Variants in GSE1 observed in about 807,000 individuals in gnomAD.
GSE1 encodes the protein genetic suppressor element 1.
GSE1 carries 32 observed loss-of-function variants against 112.6 expected under a neutral mutation model. The observed-to-expected ratio is 0.28, with a 90% confidence interval of 0.21 to 0.38. GSE1 has a LOEUF of 0.38. Ranked by LOEUF, GSE1 falls within the 10% of genes least tolerant of loss-of-function variation. The pLI is 1.00. For synonymous variants in GSE1, 1,115 were observed against 735.6 expected (o/e 1.52, Z -8.35); for missense variants, 2,348 against 1,699.2 (o/e 1.38, Z -6.71).
chr16:85,225,115 T>C (rs1294631513), intron 1 of GSE1, among the ~76,000 whole-genome samples: 2 of 150,544 alleles, frequency 1.3e-5, no homozygotes, highest in African/African-American at 2.4e-5. Context: ...CAGAGAGAGA[T>C]TCCCTCTTAA....
chr16:85,446,817 C>T (rs966883740), intron 2 of GSE1, among the ~76,000 whole-genome samples: 20 of 152,092 alleles, frequency 1.3e-4, no homozygotes, highest in African/African-American at 2.2e-4. Flanking sequence ...TCTTAGGCTC[C>T]GTTTCCTCAC....
chr16:85,646,946 G>A (rs1054141227), intron 2 of GSE1, among the ~76,000 whole-genome samples: 1 of 152,122 alleles, frequency 6.6e-6, no homozygotes, highest in Non-Finnish European at 1.5e-5. Flanking sequence ...GGGACAGGAG[G>A]ACTCTTGCAG....
intron 1 of GSE1, among the ~76,000 whole-genome samples, chr16:85,603,191 T>A (rs2047540917): frequency 6.6e-6 from 1 of 152,150 alleles, no homozygotes; most frequent in Non-Finnish European, 1.5e-5. Flanking sequence ...GTCTGCAGCT[T>A]TGAGGGAGCT....
At chr16:85,336,545 T>A (rs2046489634) in intron 1 of GSE1, among the ~76,000 whole-genome samples, 1 of 151,826 alleles carries the variant, frequency 6.6e-6, no homozygotes, top group Non-Finnish European at 1.5e-5. Context: ...CACTGAACAG[T>A]CTAACACACA....
intron 2 of GSE1, among the ~76,000 whole-genome samples, chr16:85,519,559 T>TTTTACCACC (rs1567555809): frequency 2.2e-4 from 2 of 9,268 alleles, no homozygotes; most frequent in Non-Finnish European, 2.6e-4. Context: ...CCACCATCAC[T>TTTTACCACC]ATCATCATCA....
intron 3 of GSE1, among the ~76,000 whole-genome samples, chr16:85,653,436 G>T (rs543075385): frequency 6.7e-6 from 1 of 149,550 alleles, no homozygotes; most frequent in Non-Finnish European, 1.5e-5. Context: ...GGGGTGGCAC[G>T]GCCTATCCTT....
chr16:85,255,106 G>A (rs1176023508), intron 1 of GSE1, among the ~76,000 whole-genome samples: 1 of 152,248 alleles, frequency 6.6e-6, no homozygotes, highest in Non-Finnish European at 1.5e-5. Flanking sequence ...GGCGGTCGCT[G>A]TTGCCAGCTT....
chr16:85,324,739 A>G (rs927131726), intron 1 of GSE1, among the ~76,000 whole-genome samples: 2 of 152,150 alleles, frequency 1.3e-5, no homozygotes, highest in Non-Finnish European at 2.9e-5. Flanking sequence ...GACATGTCCA[A>G]TAGGCAAATC....
At chr16:85,267,156 G>C (rs189081265) in intron 1 of GSE1, among the ~76,000 whole-genome samples, 2 of 152,180 alleles carry the variant, frequency 1.3e-5, no homozygotes, top group African/African-American at 4.8e-5. Flanking sequence ...TCGGAGCAGC[G>C]GCGGTGGCTG....
intron 2 of GSE1, among the ~76,000 whole-genome samples, chr16:85,548,959 T>G (rs938372678): frequency 5.3e-5 from 8 of 151,950 alleles, no homozygotes; most frequent in African/African-American, 1.7e-4. Context: ...CCAGCTAATT[T>G]TTATATTTTT....
At position 85,672,254 on chromosome 16, in the gene GSE1, A is replaced by G. The variant is rs374657334; in HGVS notation, c.3520-151A>G. 6.3e-6 allele frequency: 4 copies of G among 635,972 alleles called. No individual in the cohort carries two copies. The East Asian group carries it at 8.6e-5, about 14-fold the overall frequency. 39.4% of individuals were successfully genotyped at this position (635,972 alleles called of 1,614,324 possible). A position where few individuals can be genotyped will look rare whatever the true frequency, so the allele number is the denominator to read the frequency against. Reference sequence around the variant, plus strand: ...AGGTGATCTGCCCGCCTCGACCTCCAAAAGTGCTGGGATTACAGGCGTGAG... The same window carrying G: ...AGGTGATCTGCCCGCCTCGACCTCCGAAAGTGCTGGGATTACAGGCGTGAG... On this transcript the variant is annotated intron_variant, in intron 15 of 15. Transcript: ENST00000253458.
intron 2 of GSE1, among the ~76,000 whole-genome samples, chr16:85,407,300 G>GC (rs1370451179): frequency 7.2e-3 from 61 of 8,448 alleles, no homozygotes; most frequent in Admixed American, 0.011. Context: ...TTACACTCAG[G>GC]CCCCCCGGAT....
chr16:85,413,301 CTGAGTAGCTT>C (rs2048626355), intron 2 of GSE1, among the ~76,000 whole-genome samples: 1 of 152,154 alleles, frequency 6.6e-6, no homozygotes, highest in Non-Finnish European at 1.5e-5. Context: ...AAGCCAAGAG[CTGAGTAGCTT>C]TGGCGCTTTA....
intron 10 of GSE1, 32 bp from the exon 11 acceptor site, chr16:85,663,312 T>C: frequency 6.2e-7 from 1 of 1,611,332 alleles, no homozygotes; most frequent in Non-Finnish European, 8.5e-7. Flanking sequence ...TGCCAGTGGC[T>C]TCAAACTCAT....
chr16:85,615,703 T>C (rs574027634), intron 1 of GSE1, among the ~76,000 whole-genome samples: 10 of 152,300 alleles, frequency 6.6e-5, no homozygotes, highest in Non-Finnish European at 1.5e-4. Flanking sequence ...TCTGAGCTGT[T>C]TGGGACAGTT....
intron 1 of GSE1, among the ~76,000 whole-genome samples, chr16:85,627,396 G>T (rs2049167465): frequency 6.6e-6 from 1 of 152,058 alleles, no homozygotes; most frequent in Admixed American, 6.6e-5. Context: ...GACAGTTGAG[G>T]CTCACATGAA....
intron 1 of GSE1, among the ~76,000 whole-genome samples, chr16:85,556,867 T>A (rs1009204474): frequency 6.6e-6 from 1 of 151,216 alleles, no homozygotes; most frequent in East Asian, 2.0e-4. Context: ...CTGCCTGGGA[T>A]TCCCTGGAAG....
chr16:85,535,750 G>A (rs1197544415), intron 2 of GSE1, among the ~76,000 whole-genome samples: 1 of 152,186 alleles, frequency 6.6e-6, no homozygotes, highest in Non-Finnish European at 1.5e-5. Flanking sequence ...CTGGCTAGGC[G>A]CCAATGGGAA....
intron 1 of GSE1, among the ~76,000 whole-genome samples, chr16:85,577,965 C>G (rs941673658): frequency 1.3e-5 from 2 of 152,258 alleles, no homozygotes; most frequent in African/African-American, 2.4e-5. Context: ...CGCTGTGTGG[C>G]TCCAGGCAAG....
Sources: allele counts gnomAD v4.1 joint callset (sites outside exome capture counted in the v4.1 genomes callset), GRCh38; gene constraint gnomAD v4.1.1; transcripts MANE v1.5; gene names NCBI Gene and HGNC (gene_info 2026-07-23, HGNC 2026-07-21).